The following CASP4 variants were observed in gnomAD, a reference collection of about 807,000 sequenced individuals.
CASP4 encodes caspase 4, also known as caspase-4.
Under a neutral mutation model 41.3 loss-of-function variants are expected in CASP4, and 29 were observed. That is an observed-to-expected ratio of 0.70 (90% CI 0.52 to 0.96). CASP4 has a LOEUF of 0.96. Ranked by LOEUF, CASP4 falls within the 40% of genes least tolerant of loss-of-function variation. The pLI is 0.00. For missense variants in CASP4, 447 were observed against 460.6 expected (o/e 0.97, Z 0.27); for synonymous variants, 185 against 158.4 (o/e 1.17, Z -1.26).
chr11:104,956,030 C>T (rs771938251), intron 1 of CASP4, among the ~76,000 whole-genome samples: 2 of 151,936 alleles, frequency 1.3e-5, no homozygotes, highest in Non-Finnish European at 2.9e-5. Flanking sequence ...ATGAGAAAAA[C>T]ATTAGACATT....
intron 2 of CASP4, among the ~76,000 whole-genome samples, chr11:104,954,316 C>T (rs764940452): frequency 1.3e-5 from 2 of 151,982 alleles, no homozygotes; most frequent in African/African-American, 2.4e-5. Context: ...GAGTTGTTGG[C>T]GTGTGGTGCC....
At position 104,954,830 on chromosome 11, in the gene CASP4, G is replaced by C. The variant is rs1423983636; in HGVS notation, c.179C>G (p.Ser60Cys). Residue 60 changes from serine to cysteine, a missense_variant, in exon 2 of 9, where the codon TCT becomes TGT. Ser to Cys is a moderately radical substitution (Grantham distance 112, BLOSUM62 -1). Transcript: ENST00000444739. ...TGCCATACGTTGCTTCTCTTGCATAGAGTCTGCCATGACCCGAACTTTGTC... is the reference window on the plus strand; with the variant it reads ...TGCCATACGTTGCTTCTCTTGCATACAGTCTGCCATGACCCGAACTTTGTC... ...TEDKVRVMAD[S>C]MQEKQRMAGQ... 6.2e-7 allele frequency: 1 copy of C among 1,613,734 alleles called. No individual in the cohort carries two copies. The highest frequency in any genetic ancestry group is 1.7e-5 in the Admixed American group (1 of 59,970).
chr11:104,945,733 CAAG>C (rs1275729928), intron 7 of CASP4, among the ~76,000 whole-genome samples: 2 of 152,110 alleles, frequency 1.3e-5, no homozygotes, highest in Non-Finnish European at 2.9e-5. Flanking sequence ...CCCACTTATC[CAAG>C]AAGATTTAAA....
At chr11:104,964,111 C>A (rs997732064) in intron 1 of CASP4, among the ~76,000 whole-genome samples, 2 of 152,140 alleles carry the variant, frequency 1.3e-5, no homozygotes, top group Non-Finnish European at 2.9e-5. Context: ...CAGAAGTAAG[C>A]AAAATTCCTA....
At chr11:104,954,119 C>T (rs903925769) in intron 2 of CASP4, among the ~76,000 whole-genome samples, 1 of 152,106 alleles carries the variant, frequency 6.6e-6, no homozygotes, top group Admixed American at 6.6e-5. Flanking sequence ...GATGTTGTTT[C>T]GGTCTACTGA....
chr11:104,950,889 A>G, intron 4 of CASP4, 36 bp downstream of exon 4: 10 of 1,594,858 alleles, frequency 6.3e-6, no homozygotes, highest in Non-Finnish European at 8.6e-6. Flanking sequence ...TGTGTCTTGA[A>G]TATGTATGTG....
At chr11:104,949,393 A>G (rs771327106) in intron 5 of CASP4, 150 bp downstream of exon 5, 4 of 799,438 alleles carry the variant, frequency 5.0e-6, no homozygotes, top group Non-Finnish European at 8.0e-6. Context: ...TTCTTGTTAT[A>G]CCAGACCCTT....
rs929648640 is a variant in CASP4, at chr11:104,954,969, A to G, written c.40T>C (p.Leu14=). 1.7e-5 allele frequency: 27 copies of G among 1,613,506 alleles called. No individual in the cohort carries two copies. The highest frequency in any genetic ancestry group is 3.3e-5 in the Admixed American group (2 of 59,914). ...GNHRKKPLKV[L]ESLGKDFLTG... ...AGGAAATCTTTGCCCAGGGATTCCA[A>G]CACCTTAAGTGGCTTTTTTCTGTGG... The change falls in exon 2 of 9, where the codon TTG becomes CTG. Residue 14 remains leucine (L), a synonymous_variant. Coordinates refer to ENST00000444739, the MANE Select transcript of CASP4 (RefSeq NM_001225.4).
At chr11:104,955,934 A>C (rs920676848) in intron 1 of CASP4, among the ~76,000 whole-genome samples, 6 of 152,134 alleles carry the variant, frequency 3.9e-5, no homozygotes, top group African/African-American at 9.7e-5. Flanking sequence ...AGGACATTGC[A>C]CAAAAGCTTT....
At chr11:104,959,007 TTATGGAAACCTA>T (rs1243831445) in intron 1 of CASP4, among the ~76,000 whole-genome samples, 1 of 150,370 alleles carries the variant, frequency 6.7e-6, no homozygotes, top group African/African-American at 2.4e-5. Flanking sequence ...AGCATGGTCT[TTATGGAAACCTA>T]TATGGAGACA....
intron 1 of CASP4, among the ~76,000 whole-genome samples, chr11:104,955,421 C>T (rs1362449837): frequency 6.6e-6 from 1 of 151,754 alleles, no homozygotes; most frequent in African/African-American, 2.4e-5. Context: ...ATTTTTACTT[C>T]CTATATGATT....
Position 104,947,156 on chromosome 11 carries a change from A to T in CASP4, c.962T>A (p.Ile321Asn), listed in dbSNP as rs1246812025. The change falls in exon 7 of 9, where the codon ATC (isoleucine) becomes AAC (asparagine). Residue 321 changes from isoleucine to asparagine, a missense_variant. Physicochemically the swap from Ile to Asn is moderately radical, Grantham distance 149. Coordinates refer to ENST00000444739, the MANE Select transcript of CASP4 (RefSeq NM_001225.4). The part of the protein sequence containing the change: ...VSWRDSTMGS[I>N]FITQLITCFQ... Reference sequence around the variant, plus strand: ...GCATGTGATGAGTTGTGTGATGAAGATAGAGCCCATTGTGCTGTCTCTCCA... The same window carrying T: ...GCATGTGATGAGTTGTGTGATGAAGTTAGAGCCCATTGTGCTGTCTCTCCA... The T allele has an allele frequency of 1.2e-6, 2 of 1,612,754 alleles. No individual in the cohort carries two copies.
At chr11:104,959,276 G>A (rs1046348239) in intron 1 of CASP4, among the ~76,000 whole-genome samples, 4 of 152,006 alleles carry the variant, frequency 2.6e-5, no homozygotes, top group Non-Finnish European at 4.4e-5. Flanking sequence ...AAATCCTATC[G>A]TTTCTGACAA....
intron 7 of CASP4, among the ~76,000 whole-genome samples, chr11:104,945,055 A>G (rs907723549): frequency 1.3e-5 from 2 of 152,146 alleles, no homozygotes; most frequent in Non-Finnish European, 2.9e-5. Context: ...TTACATCAAA[A>G]TAAACACCTC....
At chr11:104,945,333 A>G (rs1287854142) in intron 7 of CASP4, among the ~76,000 whole-genome samples, 1 of 150,644 alleles carries the variant, frequency 6.6e-6, no homozygotes, top group Non-Finnish European at 1.5e-5. Context: ...GCTCACTGCA[A>G]CCTCCGCCTC....
intron 7 of CASP4, 98 bp from the exon 8 acceptor site, chr11:104,944,949 C>G (rs957165648): frequency 2.4e-6 from 2 of 834,700 alleles, no homozygotes; most frequent in Non-Finnish European, 4.0e-6. Context: ...ATGAAGTGAG[C>G]TTGCAGGTTT....
chr11:104,963,181 G>GT (rs1438531803), intron 1 of CASP4, among the ~76,000 whole-genome samples: 1 of 152,126 alleles, frequency 6.6e-6, no homozygotes, highest in African/African-American at 2.4e-5. Flanking sequence ...AGACCTTTAT[G>GT]TTTTTCTCTT....
At chr11:104,960,706 G>T (rs1860838957) in intron 1 of CASP4, among the ~76,000 whole-genome samples, 1 of 152,094 alleles carries the variant, frequency 6.6e-6, no homozygotes, top group African/African-American at 2.4e-5. Flanking sequence ...CTGACCTCAG[G>T]TGATCCACCC....
At chr11:104,948,420 G>A in intron 6 of CASP4, 113 bp downstream of exon 6, 1 of 1,066,498 alleles carries the variant, frequency 9.4e-7, no homozygotes, top group Non-Finnish European at 1.3e-6. Flanking sequence ...AATATGTGGA[G>A]AGCACACAAC....
Sources: allele counts gnomAD v4.1 joint callset (sites outside exome capture counted in the v4.1 genomes callset), GRCh38; gene constraint gnomAD v4.1.1; transcripts MANE v1.5; gene names NCBI Gene and HGNC (gene_info 2026-07-23, HGNC 2026-07-21).